PCDHA3: variants seen among roughly 807,000 people sequenced by gnomAD.
The protein encoded by PCDHA3 is protocadherin alpha-3.
A neutral mutation model predicts 62.2 loss-of-function variants in PCDHA3; 41 were observed. The observed-to-expected ratio is 0.66, with a 90% CI of 0.51 to 0.86. The LOEUF is 0.86. Ranked by LOEUF, PCDHA3 falls within the 40% of genes least tolerant of loss-of-function variation. PCDHA3 has a pLI of 0.00. For missense variants in PCDHA3, 1,304 were observed against 1,241.2 expected, an observed-to-expected ratio of 1.05 and a Z score of -0.76; for synonymous variants, 640 against 555.4, an observed-to-expected ratio of 1.15 and a Z score of -2.14.
intron 1 of PCDHA3, among the ~76,000 whole-genome samples, chr5:140,897,278 A>C (rs993702418): frequency 1.1e-4 from 16 of 151,088 alleles, no homozygotes; most frequent in Non-Finnish European, 1.8e-4. Context: ...GGTGTGCTGC[A>C]CCCATTAACT....
intron 1 of PCDHA3, chr5:140,834,307 G>C: frequency 7.5e-7 from 1 of 1,341,606 alleles, no homozygotes; most frequent in South Asian, 1.4e-5. Flanking sequence ...CATCGAGATT[G>C]AAATGAAGGG....
intron 1 of PCDHA3, chr5:140,830,478 A>G: frequency 2.0e-6 from 3 of 1,521,696 alleles, no homozygotes; most frequent in East Asian, 2.3e-5. Flanking sequence ...GAAGATCATG[A>G]TGCCAAAGTA....
chr5:140,877,268 C>T, intron 1 of PCDHA3: 1 of 1,613,828 alleles, frequency 6.2e-7, no homozygotes, highest in South Asian at 1.1e-5. Flanking sequence ...GCGGTGGACG[C>T]TGACTCCGGC....
At chr5:140,868,397 GATATGAA>G (rs1182982921) in intron 1 of PCDHA3, 2 of 152,062 alleles carry the variant, frequency 1.3e-5, no homozygotes, top group African/African-American at 2.4e-5. Flanking sequence ...ATAGAAAATA[GATATGAA>G]AATGCAAGCC....
chr5:140,821,837 C>A, intron 1 of PCDHA3: 3 of 1,614,154 alleles, frequency 1.9e-6, no homozygotes, highest in Non-Finnish European at 8.5e-7. Flanking sequence ...CTTCTCCTTG[C>A]CTACTGGAAG....
In PCDHA3 at chr5:140,978,964, C is replaced by A; in HGVS notation, c.2410C>A (p.Pro804Thr). The A allele has an allele frequency of 6.2e-7, 1 of 1,614,122 alleles. No individual in the cohort carries two copies. The highest frequency in any genetic ancestry group is 1.3e-5 in the African/African-American group (1 of 75,040). ...GATTTTGCAGCCACGACAGCCCAAC[C>A]CTGACTGGCGTTACTCTGCCTCCCT... The part of the protein sequence containing the change: ...DLSAKPRQPN[P>T]DWRYSASLRA... Residue 804 changes from proline (P) to threonine (T), a missense_variant, in exon 2 of 4, where the codon CCT becomes ACT. Transcript: ENST00000522353.
Position 140,802,481 on chromosome 5 carries a change from G to A in PCDHA3, c.1284G>A (p.Arg428=), listed in dbSNP as rs782571599. The change falls in exon 1 of 4, where the codon CGG becomes CGA. Residue 428 remains arginine, a synonymous_variant. Transcript: ENST00000522353. ...VSAYELVVTA[R]DGGSPSLWAT... ...CCTATGAGCTGGTGGTGACTGCTCG[G>A]GACGGGGGCTCGCCTTCACTGTGGG... 9 of 1,614,196 alleles carry A rather than the reference G, an allele frequency of 5.6e-6. No individual in the cohort carries two copies. In the East Asian group the frequency reaches 8.9e-5, roughly 16 times the overall value.
chr5:140,958,053 G>A (rs2095406506), intron 1 of PCDHA3, among the ~76,000 whole-genome samples: 1 of 152,030 alleles, frequency 6.6e-6, no homozygotes. Context: ...ATAGAAAAAA[G>A]AGAGAAAAAA....
intron 1 of PCDHA3, chr5:140,878,013 G>A (rs1554170262): frequency 2.4e-6 from 2 of 839,000 alleles, no homozygotes; most frequent in South Asian, 2.6e-5. Context: ...TAACATTAAT[G>A]AAGGAAATAT....
chr5:140,939,758 T>G (rs2092452335), intron 1 of PCDHA3, among the ~76,000 whole-genome samples: 1 of 152,234 alleles, frequency 6.6e-6, no homozygotes, highest in Non-Finnish European at 1.5e-5. Context: ...TGTCATTATA[T>G]AGTATTTCAG....
chr5:140,848,711 G>A (rs2150418509), intron 1 of PCDHA3: 14 of 1,592,432 alleles, frequency 8.8e-6, no homozygotes, highest in Non-Finnish European at 1.2e-5. Flanking sequence ...AAGGCCGCGG[G>A]GACCTTCTGG....
At chr5:141,001,144 C>T (rs1225047253) in intron 3 of PCDHA3, among the ~76,000 whole-genome samples, 3 of 151,960 alleles carry the variant, frequency 2.0e-5, no homozygotes, top group Non-Finnish European at 4.4e-5. Context: ...TCTTCTGTTG[C>T]TCTGATCTTA....
intron 1 of PCDHA3, among the ~76,000 whole-genome samples, chr5:140,939,081 G>A (rs547616686): frequency 1.3e-5 from 2 of 152,222 alleles, no homozygotes; most frequent in African/African-American, 2.4e-5. Context: ...GCATAAACTG[G>A]GTGGCTTAAA....
chr5:140,869,428 A>T, intron 1 of PCDHA3: 1 of 1,614,214 alleles, frequency 6.2e-7, no homozygotes, highest in Non-Finnish European at 8.5e-7. Context: ...CCTGGAGGTG[A>T]TCGTGGACAG....
chr5:140,809,637 T>A, intron 1 of PCDHA3: 1 of 1,503,338 alleles, frequency 6.7e-7, no homozygotes, highest in Non-Finnish European at 8.9e-7. Flanking sequence ...TCTTCGTAAA[T>A]TTATTTCTAA....
chr5:140,851,370 T>C, intron 1 of PCDHA3: 2 of 979,252 alleles, frequency 2.0e-6, no homozygotes, highest in South Asian at 4.7e-5. Flanking sequence ...AACATCTGAT[T>C]GTTCAGCAAC....
rs781871079 is a variant in PCDHA3, at chr5:140,857,427, C to T, written c.2394+53836C>T. 3 of 1,598,334 alleles carry T rather than the reference C, an allele frequency of 1.9e-6. No individual in the cohort carries two copies. In the East Asian group the frequency reaches 6.7e-5, roughly 36 times the overall value. ...CCTGCGTTCGCGCAGTCCGAGTACA[C>T]GGTGTTCGTGAAGGAGAACAACCCG... On this transcript the variant is annotated intron_variant, in intron 1 of 3. Coordinates refer to ENST00000522353, the MANE Select transcript of PCDHA3 (RefSeq NM_018906.3).
At chr5:140,842,654 G>A in intron 1 of PCDHA3, 1 of 1,595,506 alleles carries the variant, frequency 6.3e-7, no homozygotes, top group Non-Finnish European at 8.6e-7. Context: ...GTCTGTGGAG[G>A]TGGCCGACGT....
At chr5:140,882,675 G>A in intron 1 of PCDHA3, 1 of 1,614,218 alleles carries the variant, frequency 6.2e-7, no homozygotes, top group Non-Finnish European at 8.5e-7. Context: ...TTCCCTGAAA[G>A]CAAGAAACGA....
Sources: gnomAD v4.1 joint callset for allele counts (sites outside exome capture counted in the v4.1 genomes callset) on GRCh38, gnomAD v4.1.1 for gene constraint, MANE v1.5 for transcripts, NCBI Gene and HGNC (gene_info 2026-07-23, HGNC 2026-07-21) for gene names.